Variants in RIMOC1 observed in about 807,000 individuals in gnomAD.
RIMOC1 encodes the protein RAB7A interacting MON1-CCZ1 complex subunit 1.
the RIMOC1 span, among the ~76,000 whole-genome samples, chr5:41,915,640 A>G: frequency 6.6e-6 from 1 of 152,168 alleles, no homozygotes; most frequent in African/African-American, 2.4e-5. Flanking sequence ...AGGAGAGAGA[A>G]GTGAAAGCGG....
chr5:41,916,363 A>G, the RIMOC1 span: 2 of 868,088 alleles, frequency 2.3e-6, no homozygotes, highest in Non-Finnish European at 2.8e-6. Context: ...ATTTAATTAT[A>G]TAATTGCCTA....
chr5:41,915,488 G>A, the RIMOC1 span, among the ~76,000 whole-genome samples: 3 of 152,262 alleles, frequency 2.0e-5, no homozygotes, highest in South Asian at 2.1e-4. Flanking sequence ...GTATTAGTCC[G>A]TTTTCATGCT....
At chr5:41,907,979 A>G in the RIMOC1 span, 1 of 623,772 alleles carries the variant, frequency 1.6e-6, no homozygotes, top group Admixed American at 3.4e-5. Flanking sequence ...AACTATGAAT[A>G]AAACACAAAA....
At chr5:41,914,033 A>G in the RIMOC1 span, among the ~76,000 whole-genome samples, 1 of 152,246 alleles carries the variant, frequency 6.6e-6, no homozygotes, top group Non-Finnish European at 1.5e-5. Flanking sequence ...TTTAAAAGAA[A>G]AAGGTGGGGG....
the RIMOC1 span, chr5:41,917,113 T>G: frequency 6.2e-7 from 1 of 1,613,796 alleles, no homozygotes. Context: ...CAGAAAATCA[T>G]GAAGTGGATA....
At chr5:41,904,383 T>C in the RIMOC1 span, 4 of 1,613,670 alleles carry the variant, frequency 2.5e-6, no homozygotes, top group African/African-American at 2.7e-5. Context: ...GGCCGCAGTC[T>C]CTAGTGTGGT....
chr5:41,917,768 T>C, the RIMOC1 span: 1 of 908,122 alleles, frequency 1.1e-6, no homozygotes, highest in African/African-American at 1.8e-5. Context: ...AAATGAAAGA[T>C]TATGACTAAT....
the RIMOC1 span, chr5:41,917,340 C>T: frequency 7.8e-6 from 12 of 1,534,060 alleles, no homozygotes; most frequent in Non-Finnish European, 1.0e-5. Flanking sequence ...AACAACAAAA[C>T]CCATGAAATG....
the RIMOC1 span, chr5:41,911,305 C>A: frequency 1.3e-6 from 1 of 796,474 alleles, no homozygotes; most frequent in Non-Finnish European, 1.8e-6. Context: ...CTTTTATTTA[C>A]TAGCTGGGTA....
the RIMOC1 span, chr5:41,904,613 C>G: frequency 1.4e-6 from 1 of 691,278 alleles, no homozygotes; most frequent in Admixed American, 2.8e-5. Flanking sequence ...GCTTCTGAGC[C>G]CCTCTGCGCC....
chr5:41,920,852 G>C, the RIMOC1 span: 9 of 152,290 alleles, frequency 5.9e-5, no homozygotes, highest in East Asian at 9.6e-4. Flanking sequence ...TTTTGCTAAT[G>C]GTTGAGTGAT....
At chr5:41,905,602 C>T in the RIMOC1 span, among the ~76,000 whole-genome samples, 2 of 152,298 alleles carry the variant, frequency 1.3e-5, no homozygotes, top group Non-Finnish European at 1.5e-5. Flanking sequence ...TACAGACCAC[C>T]CTGAAGCCGA....
chr5:41,909,888 C>A, the RIMOC1 span: 2 of 1,571,478 alleles, frequency 1.3e-6, no homozygotes, highest in South Asian at 1.2e-5. Flanking sequence ...AATATGCATC[C>A]AAAAGTAAGT....
the RIMOC1 span, among the ~76,000 whole-genome samples, chr5:41,906,010 A>G: frequency 3.9e-5 from 6 of 152,366 alleles, no homozygotes; most frequent in South Asian, 1.2e-3. Context: ...ATGTACTTGA[A>G]TTGAATTTGG....
the RIMOC1 span, among the ~76,000 whole-genome samples, chr5:41,913,573 G>A: frequency 1.3e-5 from 2 of 152,120 alleles, no homozygotes; most frequent in African/African-American, 2.4e-5. Context: ...GATCACATGT[G>A]TAAACCTTTT....
chr5:41,911,970 C>G, the RIMOC1 span: 2 of 783,298 alleles, frequency 2.6e-6, no homozygotes, highest in Non-Finnish European at 4.4e-6. Flanking sequence ...ATATATTAAC[C>G]AATTTTCTCT....
At chr5:41,911,208 A>G in the RIMOC1 span, 3 of 1,582,622 alleles carry the variant, frequency 1.9e-6, no homozygotes, top group Non-Finnish European at 2.6e-6. Context: ...CACATTTTTC[A>G]TTGTTGACAT....
At chr5:41,916,267 C>T in the RIMOC1 span, 1 of 370,004 alleles carries the variant, frequency 2.7e-6, no homozygotes, top group Non-Finnish European at 3.7e-6. Flanking sequence ...CCCAAAGACA[C>T]AAAGCCAGTA....
chr5:41,912,026 T>C, the RIMOC1 span: 24 of 1,145,748 alleles, frequency 2.1e-5, no homozygotes, highest in Non-Finnish European at 3.2e-5. Flanking sequence ...TATATATCTC[T>C]GCATATAATA....
Sources: gnomAD v4.1 joint callset for allele counts (sites outside exome capture counted in the v4.1 genomes callset) on GRCh38, gnomAD v4.1.1 for gene constraint, MANE v1.5 for transcripts, NCBI Gene and HGNC (gene_info 2026-07-23, HGNC 2026-07-21) for gene names.